Variants in PTPRT observed in about 807,000 individuals in gnomAD.
PTPRT encodes the protein receptor-type tyrosine-protein phosphatase T.
PTPRT carries 56 observed loss-of-function variants against 176.8 expected under a neutral mutation model. The ratio of observed to expected loss-of-function variants is 0.32; its 90% CI spans 0.26 to 0.40. The LOEUF (loss-of-function observed/expected upper bound fraction) is 0.40, where lower values mean the gene tolerates loss of function less well. Among genes scored for constraint, PTPRT ranks in the 10% least tolerant of loss-of-function variants. The probability of loss-of-function intolerance (pLI) is 1.00; values close to 1 mark genes in which losing one functional copy is unlikely to be tolerated. For synonymous variants in PTPRT, 783 were observed against 739.0 expected, an observed-to-expected ratio of 1.06 and a Z score of -0.96; for missense variants, 1,540 against 1,908.2, an observed-to-expected ratio of 0.81 and a Z score of 3.60.
At chr20:42,616,444 C>T (rs1195144520) in intron 7 of PTPRT, among the ~76,000 whole-genome samples, 1 of 124,896 alleles carries the variant, frequency 8.0e-6, no homozygotes, top group East Asian at 2.0e-4. Context: ...TCCATATGAA[C>T]TTTAAAGTAG....
intron 1 of PTPRT, among the ~76,000 whole-genome samples, chr20:43,032,406 C>G (rs1270939304): frequency 6.9e-6 from 1 of 144,934 alleles, no homozygotes; most frequent in Non-Finnish European, 1.5e-5. Flanking sequence ...CCTGGGGGAG[C>G]AAAAGAGCCT....
At chr20:42,472,021 G>A (rs1361054951) in intron 8 of PTPRT, among the ~76,000 whole-genome samples, 1 of 152,168 alleles carries the variant, frequency 6.6e-6, no homozygotes, top group African/African-American at 2.4e-5. Context: ...GAAGAGGGAT[G>A]GGGGTACAAA....
At chr20:43,177,059 C>T (rs1209285558) in intron 1 of PTPRT, among the ~76,000 whole-genome samples, 1 of 152,224 alleles carries the variant, frequency 6.6e-6, no homozygotes, top group Non-Finnish European at 1.5e-5. Context: ...GGAGCACATA[C>T]AAGGTCCTTG....
At chr20:42,048,649 T>C in the PTPRT span, among the ~76,000 whole-genome samples, 15 of 152,140 alleles carry the variant, frequency 9.9e-5, no homozygotes, top group Non-Finnish European at 2.1e-4. Flanking sequence ...AGAATGCCTC[T>C]AGATGATTTT....
At chr20:42,116,668 C>G (rs1057177552) in intron 21 of PTPRT, among the ~76,000 whole-genome samples, 22 of 152,078 alleles carry the variant, frequency 1.4e-4, no homozygotes, top group African/African-American at 5.1e-4. Flanking sequence ...AGAAAATTGC[C>G]CAAGGTCAAC....
At chr20:42,806,408 C>T (rs2077608520) in intron 2 of PTPRT, among the ~76,000 whole-genome samples, 1 of 149,804 alleles carries the variant, frequency 6.7e-6, no homozygotes, top group Non-Finnish European at 1.5e-5. Flanking sequence ...CACTTGAACC[C>T]AGGAGGCGGA....
chr20:42,332,642 A>AT (rs879417932), intron 11 of PTPRT, among the ~76,000 whole-genome samples: 4,098 of 147,202 alleles, frequency 0.028, 147 homozygotes, highest in African/African-American at 0.091. Flanking sequence ...TGTGGAAAAC[A>AT]TTTTTTTTTT....
At chr20:42,289,523 T>A (rs553390987) in intron 12 of PTPRT, among the ~76,000 whole-genome samples, 1 of 152,012 alleles carries the variant, frequency 6.6e-6, no homozygotes, top group Admixed American at 6.6e-5. Context: ...CCAACAAACA[T>A]GAAAAAATGC....
At chr20:42,462,629 T>C (rs2071039460) in intron 8 of PTPRT, among the ~76,000 whole-genome samples, 1 of 151,924 alleles carries the variant, frequency 6.6e-6, no homozygotes, top group Non-Finnish European at 1.5e-5. Context: ...GTGGTCAGAG[T>C]GAAATGTTTA....
intron 1 of PTPRT, among the ~76,000 whole-genome samples, chr20:43,048,363 T>C (rs1366957154): frequency 6.6e-6 from 1 of 152,134 alleles, no homozygotes; most frequent in Non-Finnish European, 1.5e-5. Flanking sequence ...ATTAAGTCCC[T>C]TTCTGGCAGG....
chr20:42,406,729 A>T (rs1397991362), intron 9 of PTPRT, among the ~76,000 whole-genome samples: 1 of 152,220 alleles, frequency 6.6e-6, no homozygotes, highest in Non-Finnish European at 1.5e-5. Context: ...ATAAATACAG[A>T]TGGAAAATGT....
At chr20:43,098,560 T>C (rs2012262487) in intron 1 of PTPRT, among the ~76,000 whole-genome samples, 1 of 151,800 alleles carries the variant, frequency 6.6e-6, no homozygotes, top group Non-Finnish European at 1.5e-5. Context: ...TTTTTTTTTT[T>C]TGTTTGAGGT....
Position 42,889,890 on chromosome 20 carries a change from A to G in PTPRT, c.89-3958T>C, listed in dbSNP as rs186660815. On this transcript the variant is annotated intron_variant, in intron 1 of 30. Coordinates refer to ENST00000373187, the MANE Select transcript of PTPRT (RefSeq NM_007050.6). ...TGTTCCTTTACTAAAAGGGGGTTAC[A>G]TATATAGCTCTGAGCTTCTGACACC... Among the ~76,000 whole-genome samples, 22 of 152,352 alleles carry G rather than the reference A, an allele frequency of 1.4e-4. No individual in the cohort carries two copies. In the East Asian group the frequency reaches 2.7e-3, roughly 19 times the overall value.
At chr20:42,716,269 T>C (rs2076221566) in intron 6 of PTPRT, among the ~76,000 whole-genome samples, 1 of 152,214 alleles carries the variant, frequency 6.6e-6, no homozygotes, top group South Asian at 2.1e-4. Context: ...ATATACCCAG[T>C]AATGGGATGG....
At chr20:42,527,536 C>A (rs372428815) in intron 7 of PTPRT, among the ~76,000 whole-genome samples, 3 of 152,272 alleles carry the variant, frequency 2.0e-5, no homozygotes, top group Admixed American at 6.5e-5. Flanking sequence ...TATATTCTTC[C>A]TAGTTTTACC....
chr20:42,730,161 G>A (rs1018407), intron 6 of PTPRT, among the ~76,000 whole-genome samples: 2,943 of 152,280 alleles, frequency 0.019, 67 homozygotes, highest in East Asian at 0.1. Context: ...CTTCTAGAAA[G>A]TGGCAGAACA....
intron 1 of PTPRT, among the ~76,000 whole-genome samples, chr20:43,110,521 AG>A (rs1004663657): frequency 6.6e-6 from 1 of 152,184 alleles, no homozygotes; most frequent in African/African-American, 2.4e-5. Context: ...AGTAACAGGG[AG>A]GGGACAGAGG....
chr20:42,676,345 C>A (rs1047494917), intron 7 of PTPRT, among the ~76,000 whole-genome samples: 4 of 152,146 alleles, frequency 2.6e-5, no homozygotes, highest in Non-Finnish European at 5.9e-5. Flanking sequence ...GATTTTTAGG[C>A]ACCTATATGT....
intron 1 of PTPRT, among the ~76,000 whole-genome samples, chr20:43,077,890 C>T (rs1411091633): frequency 1.3e-5 from 2 of 152,192 alleles, no homozygotes; most frequent in Non-Finnish European, 2.9e-5. Context: ...CCAACCCTAA[C>T]TGTCCACAAC....
Sources: gnomAD v4.1 joint callset for allele counts (sites outside exome capture counted in the v4.1 genomes callset) on GRCh38, gnomAD v4.1.1 for gene constraint, MANE v1.5 for transcripts, NCBI Gene and HGNC (gene_info 2026-07-23, HGNC 2026-07-21) for gene names.